The following DUT variants were observed in gnomAD, a reference collection of about 807,000 sequenced individuals.
DUT encodes the protein deoxyuridine triphosphatase, also known as deoxyuridine 5'-triphosphate nucleotidohydrolase, mitochondrial.
DUT carries 21 observed loss-of-function variants against 28.8 expected under a neutral mutation model. The ratio of observed to expected loss-of-function variants is 0.73; its 90% confidence interval spans 0.52 to 1.05. The LOEUF is 1.05. Ranked by LOEUF, DUT falls within the 50% of genes least tolerant of loss-of-function variation. The probability of loss-of-function intolerance (pLI) is 0.00; values close to 1 mark genes in which losing one functional copy is unlikely to be tolerated. For synonymous variants in DUT, 147 were observed against 143.7 expected, an observed-to-expected ratio of 1.02 and a Z score of -0.17; for missense variants, 344 against 351.8, an observed-to-expected ratio of 0.98 and a Z score of 0.18.
At chr15:48,332,552 C>T in intron 2 of DUT, 146 bp downstream of exon 2, 5 of 794,202 alleles carry the variant, frequency 6.3e-6, no homozygotes, top group East Asian at 2.7e-5. Flanking sequence ...TAGCTTTCAT[C>T]TTTGGCATAA....
intron 2 of DUT, among the ~76,000 whole-genome samples, chr15:48,333,818 A>G (rs1406060806): frequency 6.6e-6 from 1 of 152,196 alleles, no homozygotes; most frequent in Non-Finnish European, 1.5e-5. Context: ...TGACAGATAC[A>G]ACACAGTTCT....
chr15:48,331,988 A>T, intron 1 of DUT, 193 bp downstream of exon 1: 1 of 881,006 alleles, frequency 1.1e-6, no homozygotes, highest in Non-Finnish European at 1.6e-6. Flanking sequence ...TCCCCTTCAA[A>T]GTTGGCCCCA....
At chr15:48,331,110 G>T (rs1030606626), upstream of DUT, 109 of 1,253,358 alleles carry the variant, frequency 8.7e-5, no homozygotes, top group African/African-American at 1.4e-3. Flanking sequence ...AACTGTCACC[G>T]GCGCCGAGAT....
chr15:48,331,873 C>T, intron 1 of DUT, 78 bp downstream of exon 1: 10 of 391,124 alleles, frequency 2.6e-5, no homozygotes, highest in Non-Finnish European at 3.1e-5. Flanking sequence ...AGTAGGGTGG[C>T]GAGCGGTCCT....
In DUT at chr15:48,342,464, A is replaced by G. The variant is rs1338431887; in HGVS notation, c.*386A>G. The G allele has an allele frequency of 1.3e-5, 2 of 153,118 alleles. No homozygotes were observed. The highest frequency in any genetic ancestry group is 2.9e-5 in the Non-Finnish European group (2 of 68,676). 9.5% of individuals were successfully genotyped at this position (153,118 alleles called of 1,614,324 possible). A position where few individuals can be genotyped will look rare whatever the true frequency, so the allele number is the denominator to read the frequency against. On this transcript the variant is annotated 3_prime_UTR_variant, in exon 7 of 7. Transcript: ENST00000331200. ...ACTTATTTTGCTTTAATTGCTTTAA[A>G]TCTTAAGCAATATTTTTTATTCAGT... is the stretch of plus-strand genomic sequence containing the variant.
chr15:48,338,637 C>T (rs56017182), intron 4 of DUT, among the ~76,000 whole-genome samples: 3 of 152,154 alleles, frequency 2.0e-5, no homozygotes, highest in African/African-American at 4.8e-5. Context: ...AGATTGTTGC[C>T]ATCAAATATT....
intron 4 of DUT, among the ~76,000 whole-genome samples, chr15:48,336,820 A>G (rs889313692): frequency 6.6e-6 from 1 of 152,198 alleles, no homozygotes; most frequent in Non-Finnish European, 1.5e-5. Flanking sequence ...CCGTTTTTAC[A>G]GAGCTGCTTT....
At chr15:48,338,446 A>G (rs186552864) in intron 4 of DUT, among the ~76,000 whole-genome samples, 1 of 152,310 alleles carries the variant, frequency 6.6e-6, no homozygotes, top group African/African-American at 2.4e-5. Context: ...CCAACAAGCA[A>G]ATATTTGCAA....
Position 48,341,746 on chromosome 15 carries a change from A to G in DUT, c.702+161A>G. The G allele has an allele frequency of 1.8e-5, 12 of 654,858 alleles. 1 individual carries two copies. In the South Asian group the frequency reaches 2.7e-4, roughly 15 times the overall value. 40.6% of individuals were successfully genotyped at this position (654,858 alleles called of 1,614,324 possible). The stretch of plus-strand genomic sequence containing the variant: ...AATACTAGTTTTAGAATTTCTTTAA[A>G]TGTTTTTCATGTAGCTATTATGTAG... On this transcript the variant is annotated intron_variant, in intron 6 of 6. Transcript: ENST00000331200.
chr15:48,334,121 CT>C (rs1203384511), intron 2 of DUT, among the ~76,000 whole-genome samples: 1 of 152,098 alleles, frequency 6.6e-6, no homozygotes, highest in Non-Finnish European at 1.5e-5. Flanking sequence ...TTCCAATAAA[CT>C]TTTGTTCAGG....
In DUT at chr15:48,342,018, T is replaced by C; in HGVS notation, c.703-4T>C. On this transcript the variant is annotated splice_region_variant and splice_polypyrimidine_tract_variant and intron_variant, in intron 6 of 6. Transcript: ENST00000331200. The stretch of plus-strand genomic sequence containing the variant: ...GTGAAGCTTACTACCTTTCTATCTT[T>C]CAGGCCTTGGATGACACCGAAAGGG... The C allele has an allele frequency of 6.4e-7, 1 of 1,570,682 alleles. No homozygotes were observed. The highest frequency in any genetic ancestry group is 1.4e-5 in the African/African-American group (1 of 71,600).
chr15:48,332,658 T>G, intron 2 of DUT: 1 of 669,202 alleles, frequency 1.5e-6, no homozygotes, highest in Non-Finnish European at 2.7e-6. Flanking sequence ...GTGCCCTTCC[T>G]AAATAGAAGA....
chr15:48,334,997 T>C (rs1298053536), intron 3 of DUT, among the ~76,000 whole-genome samples: 1 of 152,198 alleles, frequency 6.6e-6, no homozygotes, highest in Non-Finnish European at 1.5e-5. Flanking sequence ...TCTTTTTGAC[T>C]AACTTCAGAG....
At chr15:48,337,916 G>T (rs28381126) in intron 4 of DUT, among the ~76,000 whole-genome samples, 4,994 of 152,222 alleles carry the variant, frequency 0.033, 141 homozygotes, top group East Asian at 0.074. Context: ...CATCTGGTAG[G>T]TGTGGATAGT....
chr15:48,336,754 C>T (rs1389437146), intron 4 of DUT, among the ~76,000 whole-genome samples: 3 of 152,208 alleles, frequency 2.0e-5, no homozygotes, highest in Admixed American at 2.0e-4. Flanking sequence ...GAATCTTTCA[C>T]TTAACAAGAT....
chr15:48,335,076 T>G lies in DUT; in HGVS notation c.511+568T>G, dbSNP rs1189242102. Among the ~76,000 whole-genome samples the G allele has an allele frequency of 2.0e-5, 3 of 152,186 alleles. No individual in the cohort carries two copies. The South Asian group carries it at 6.2e-4, about 31-fold the overall frequency. ...GAAAGGAGCTAGACTGGCACTATAT[T>G]ATTAGCCATGAGTGAGGAAACTGCC... On this transcript the variant is annotated intron_variant, in intron 3 of 6. Coordinates refer to ENST00000331200, the MANE Select transcript of DUT (RefSeq NM_001025248.2).
At chr15:48,341,182 G>GT (rs2042530022) in intron 4 of DUT, 107 bp from the exon 5 acceptor site, 1 of 673,438 alleles carries the variant, frequency 1.5e-6, no homozygotes, top group Non-Finnish European at 2.5e-6. Flanking sequence ...TTATTCAATT[G>GT]TAAGAATACA....
chr15:48,332,130 A>AGGGGCGGTGGGT, intron 1 of DUT, 138 bp from the exon 2 acceptor site: 1 of 1,383,884 alleles, frequency 7.2e-7, no homozygotes. Context: ...CGTCCCGGGG[A>AGGGGCGGTGGGT]GGGGCGGTGG....
upstream of DUT, chr15:48,331,160 G>A (rs1023298100): frequency 3.9e-5 from 54 of 1,376,796 alleles, no homozygotes; most frequent in Admixed American, 7.4e-5. Context: ...CTCAGAGCCC[G>A]GGAGTCATGG....
Sources: allele counts gnomAD v4.1 joint callset (sites outside exome capture counted in the v4.1 genomes callset), GRCh38; gene constraint gnomAD v4.1.1; transcripts MANE v1.5; gene names NCBI Gene and HGNC (gene_info 2026-07-23, HGNC 2026-07-21).